The following HEATR1 variants were observed in gnomAD, a reference collection of about 807,000 sequenced individuals.
HEATR1 encodes HEAT repeat containing 1.
In HEATR1, 77 loss-of-function variants were observed where a neutral mutation model predicts 248.2. That is an observed-to-expected ratio of 0.31 (90% CI 0.26 to 0.37). The LOEUF is 0.37. Among genes scored for constraint, HEATR1 ranks in the 10% least tolerant of loss-of-function variants. HEATR1 has a pLI of 1.00. For missense variants in HEATR1, 2,420 were observed against 2,504.9 expected (o/e 0.97, Z 0.72); for synonymous variants, 897 against 923.1 (o/e 0.97, Z 0.51).
At chr1:236,594,188 G>T in intron 8 of HEATR1, 74 bp from the exon 9 acceptor site, 2 of 944,356 alleles carry the variant, frequency 2.1e-6, no homozygotes, top group Non-Finnish European at 3.2e-6. Flanking sequence ...TTCACTTATA[G>T]CAGAAAATCG....
rs1307686589 is a variant in HEATR1, at chr1:236,550,292, CT to C, written c.*609del. 1 of 152,176 alleles carries C rather than the reference CT, an allele frequency of 6.6e-6. No homozygotes were observed. Among genetic ancestry groups the C allele is most frequent in the African/African-American group, 2.4e-5 (1 of 41,420 alleles). 9.4% of individuals were successfully genotyped at this position (152,176 alleles called of 1,614,324 possible). On this transcript the variant is annotated 3_prime_UTR_variant, in exon 45 of 45. Transcript: ENST00000366582. ...TAGAAGCAGCGTGTTGCCTTCATCT[CT>C]CCCGTTTCCCAAAAGAACAAAGGAT...
In HEATR1 at chr1:236,557,185, C is replaced by T. The variant is rs759163704; in HGVS notation, c.5355+10G>A. On this transcript the variant is annotated intron_variant, in intron 37 of 44. Transcript: ENST00000366582. ...ACCCTGCGTAGCATGTCGTGGCTAT[C>T]GTGGCTCACCTGGGAGAGAATGCCT... is the stretch of plus-strand genomic sequence containing the variant. 81 of 1,613,158 alleles carry T rather than the reference C, an allele frequency of 5.0e-5. No individual in the cohort carries two copies. The East Asian group carries it at 1.0e-3, about 20-fold the overall frequency.
chr1:236,587,539 G>A (rs775262879), intron 13 of HEATR1, 49 bp from the exon 14 acceptor site: 2 of 820,058 alleles, frequency 2.4e-6, no homozygotes, highest in Admixed American at 3.1e-5. Context: ...CTTCAAACAT[G>A]TATGGCGCTT....
In HEATR1 at chr1:236,585,605, G is replaced by A. The variant is rs563556407; in HGVS notation, c.2049+215C>T. ...AAAAGGATATATTATTCTTATGGGT[G>A]TGATATGGATCCACATTGAAAAAAT... On this transcript the variant is annotated intron_variant, in intron 16 of 44. Coordinates refer to ENST00000366582, the MANE Select transcript of HEATR1 (RefSeq NM_018072.6). Among the ~76,000 whole-genome samples, 7 of 152,234 alleles carry A rather than the reference G, an allele frequency of 4.6e-5. No individual in the cohort carries two copies. In the South Asian group the frequency reaches 1.2e-3, roughly 27 times the overall value.
At chr1:236,555,524 AAG>A (rs1558176730) in intron 40 of HEATR1, 25 bp downstream of exon 40, 5 of 1,614,000 alleles carry the variant, frequency 3.1e-6, no homozygotes, top group East Asian at 2.2e-5. Context: ...CTGAGCACAA[AAG>A]AGAGGAAGAG....
chr1:236,562,475 G>C (rs1663154804), intron 32 of HEATR1, among the ~76,000 whole-genome samples: 1 of 152,080 alleles, frequency 6.6e-6, no homozygotes. Context: ...ATCATGCCAG[G>C]GCCAGCACTT....
Position 236,583,033 on chromosome 1 carries a change from G to A in HEATR1, c.2405C>T (p.Ala802Val). ...SLKKFIYALKAPKSFPKGDIW... is the reference protein window; with the variant it reads ...SLKKFIYALKVPKSFPKGDIW... Reference sequence around the variant, plus strand: ...CTTACCTTTAGGAAAAGATTTAGGAGCTTTCAGTGCATAAATAAATTTTTT... The same window carrying A: ...CTTACCTTTAGGAAAAGATTTAGGAACTTTCAGTGCATAAATAAATTTTTT... The change falls in exon 18 of 45, where the codon GCT becomes GTT. Residue 802 changes from alanine to valine, a missense_variant. By Grantham distance (64) the Ala-to-Val change is moderately conservative. Transcript: ENST00000366582. 6.2e-7 allele frequency: 1 copy of A among 1,613,994 alleles called. No individual in the cohort carries two copies. The highest frequency in any genetic ancestry group is 1.1e-5 in the South Asian group (1 of 91,082).
intron 42 of HEATR1, 67 bp downstream of exon 42, chr1:236,554,531 T>A (rs1174559093): frequency 6.8e-7 from 1 of 1,470,780 alleles, no homozygotes; most frequent in Admixed American, 2.1e-5. Context: ...TTTGAGCAGA[T>A]CTAAAACCTG....
rs1283386205 is a variant in HEATR1, at chr1:236,566,712, A to G, written c.4242T>C (p.Ile1414=). 6.2e-7 allele frequency: 1 copy of G among 1,614,122 alleles called. No homozygotes were observed. Among genetic ancestry groups the G allele is most frequent in the Non-Finnish European group, 8.5e-7 (1 of 1,180,014 alleles). The change falls in exon 30 of 45, where the codon ATT becomes ATC. Residue 1414 remains isoleucine, a synonymous_variant. Coordinates refer to ENST00000366582, the MANE Select transcript of HEATR1 (RefSeq NM_018072.6). ...DTLGAEKFLW[I]LLILLFEQYV... The stretch of plus-strand genomic sequence containing the variant: ...ACTGTTCAAAAAGCAAGATGAGGAG[A>G]ATCCAGAGGAATTTCTCTGCACCCA...
At chr1:236,570,746 G>C (rs985716050) in intron 28 of HEATR1, among the ~76,000 whole-genome samples, 2 of 149,668 alleles carry the variant, frequency 1.3e-5, no homozygotes, top group African/African-American at 4.9e-5. Context: ...TCTCTTACAA[G>C]AAAAAAAGAA....
chr1:236,562,980 C>T lies in HEATR1; in HGVS notation c.4599+1518G>A, dbSNP rs377736672. ...ATTAGTTCAGCCAGCCTGCTTGATA[C>T]AGATCACAACCTACACTGATCTCTA... On this transcript the variant is annotated intron_variant, in intron 32 of 44. Transcript: ENST00000366582. Among the ~76,000 whole-genome samples the T allele has an allele frequency of 3.7e-4, 56 of 152,344 alleles. 1 individual carries two copies. The South Asian group carries it at 0.012, about 32-fold the overall frequency.
chr1:236,560,809 A>G (rs751589), intron 33 of HEATR1, among the ~76,000 whole-genome samples: 80,478 of 152,146 alleles, frequency 0.53, 24,782 homozygotes, highest in Non-Finnish European at 0.69. Context: ...GGGCCAGATT[A>G]AGACACTAAA....
Position 236,558,396 on chromosome 1 carries a change from C to T in HEATR1, c.5045G>A (p.Gly1682Asp). ...GACAAAAGGATCTGGATTTTCTGCACCAAAATTCTTGCATAAAAGCTTTAA... is the reference window on the plus strand; with the variant it reads ...GACAAAAGGATCTGGATTTTCTGCATCAAAATTCTTGCATAAAAGCTTTAA... ...YTLKLLCKNFGAENPDPFVPV... is the reference protein window; with the variant it reads ...YTLKLLCKNFDAENPDPFVPV... The change falls in exon 36 of 45, where the codon GGT (glycine) becomes GAT (aspartate). Residue 1682 changes from glycine (G) to aspartate (D), a missense_variant. Gly to Asp is a moderately conservative substitution (Grantham distance 94, BLOSUM62 -1). Coordinates refer to ENST00000366582, the MANE Select transcript of HEATR1 (RefSeq NM_018072.6). The T allele has an allele frequency of 6.2e-7, 1 of 1,614,202 alleles. No homozygotes were observed. The highest frequency in any genetic ancestry group is 8.5e-7 in the Non-Finnish European group (1 of 1,180,006).
intron 26 of HEATR1, 72 bp from the exon 27 acceptor site, chr1:236,571,758 T>G: frequency 4.4e-5 from 46 of 1,045,468 alleles, no homozygotes; most frequent in Non-Finnish European, 6.1e-5. Flanking sequence ...TTAATGGCCA[T>G]TGTCCAGAAC....
chr1:236,596,680 TAA>T (rs1664184791), intron 6 of HEATR1, among the ~76,000 whole-genome samples, 154 bp downstream of exon 6: 2 of 152,252 alleles, frequency 1.3e-5, no homozygotes, highest in Admixed American at 6.5e-5. Context: ...GAGTTTCTAA[TAA>T]AAAAGTGTCA....
chr1:236,569,160 C>A, intron 28 of HEATR1, 36 bp from the exon 29 acceptor site: 4 of 1,509,272 alleles, frequency 2.7e-6, no homozygotes, highest in South Asian at 1.2e-5. Context: ...TTTTTTATTT[C>A]TGTTAATTTC....
chr1:236,557,182 T>G lies in HEATR1; in HGVS notation c.5355+13A>C, dbSNP rs768748369. On this transcript the variant is annotated intron_variant, in intron 37 of 44. Transcript: ENST00000366582. ...GCCACCCTGCGTAGCATGTCGTGGC[T>G]ATCGTGGCTCACCTGGGAGAGAATG... The G allele has an allele frequency of 6.2e-7, 1 of 1,613,256 alleles. No homozygotes were observed. The highest frequency in any genetic ancestry group is 1.1e-5 in the South Asian group (1 of 90,906).
chr1:236,559,635 C>A, intron 34 of HEATR1, 79 bp downstream of exon 34: 1 of 1,454,218 alleles, frequency 6.9e-7, no homozygotes, highest in Non-Finnish European at 9.2e-7. Flanking sequence ...TAAGTTTATT[C>A]TTAAAAACTT....
In HEATR1 at chr1:236,553,661, A is replaced by G. The variant is rs1236260623; in HGVS notation, c.6157T>C (p.Ser2053Pro). 4 of 1,614,078 alleles carry G rather than the reference A, an allele frequency of 2.5e-6. No homozygotes were observed. Among genetic ancestry groups the G allele is most frequent in the Middle Eastern group, 3.3e-4 (2 of 6,062 alleles). ...KHLIPCIAQF[S>P]VAMADDSLWK... ...AGAGAGTCATCCGCCATGGCCACCG[A>G]AAACTGTGCGATGCATGGTATCAGG... is the stretch of plus-strand genomic sequence containing the variant. Residue 2053 changes from serine (S) to proline (P), a missense_variant, in exon 43 of 45, where the codon TCG becomes CCG. Transcript: ENST00000366582.
Sources: allele counts gnomAD v4.1 joint callset (sites outside exome capture counted in the v4.1 genomes callset), GRCh38; gene constraint gnomAD v4.1.1; transcripts MANE v1.5; gene names NCBI Gene and HGNC (gene_info 2026-07-23, HGNC 2026-07-21).